SORBS2: variants seen among roughly 807,000 people sequenced by gnomAD.
SORBS2 encodes sorbin and SH3 domain-containing protein 2.
In SORBS2, 46 loss-of-function variants were observed where a neutral mutation model predicts 97.7. The ratio of observed to expected loss-of-function variants is 0.47; its 90% CI spans 0.37 to 0.60. The LOEUF (loss-of-function observed/expected upper bound fraction) is 0.60. Ranked by LOEUF, SORBS2 falls within the 20% of genes least tolerant of loss-of-function variation. The pLI, the probability that SORBS2 is intolerant of heterozygous loss-of-function variation, is 0.00. For missense variants in SORBS2, 1,316 were observed against 1,282.3 expected, an observed-to-expected ratio of 1.03 and a Z score of -0.40; for synonymous variants, 476 against 473.4, an observed-to-expected ratio of 1.01 and a Z score of -0.07.
chr4:185,872,363 C>T (rs930670675), intron 1 of SORBS2, among the ~76,000 whole-genome samples: 3 of 152,190 alleles, frequency 2.0e-5, no homozygotes, highest in Non-Finnish European at 2.9e-5. Flanking sequence ...GCAAACCACA[C>T]GCATAGCCTT....
chr4:185,722,462 G>A (rs1364139001), intron 2 of SORBS2, among the ~76,000 whole-genome samples: 4 of 152,162 alleles, frequency 2.6e-5, no homozygotes, highest in East Asian at 3.8e-4. Flanking sequence ...AGTTTAACAC[G>A]AAGCAGCTAC....
At chr4:185,903,381 A>T (rs2099248793) in intron 1 of SORBS2, among the ~76,000 whole-genome samples, 1 of 152,164 alleles carries the variant, frequency 6.6e-6, no homozygotes. Flanking sequence ...TACCAATATC[A>T]TCATGATTCA....
intron 1 of SORBS2, among the ~76,000 whole-genome samples, chr4:185,821,447 G>A (rs1160417804): frequency 6.6e-6 from 1 of 152,080 alleles, no homozygotes; most frequent in Admixed American, 6.5e-5. Context: ...TTTTTGAGAT[G>A]GAGTCTCGCT....
chr4:185,930,948 T>C (rs1002953648), intron 1 of SORBS2, among the ~76,000 whole-genome samples: 2 of 152,164 alleles, frequency 1.3e-5, no homozygotes, highest in African/African-American at 2.4e-5. Context: ...ACTCAATGCA[T>C]TGATATACCT....
At chr4:185,680,279 G>A (rs1462057880) in intron 2 of SORBS2, among the ~76,000 whole-genome samples, 1 of 152,196 alleles carries the variant, frequency 6.6e-6, no homozygotes, top group East Asian at 1.9e-4. Flanking sequence ...GGTTAGCTGG[G>A]ACTACAGGTA....
At chr4:185,950,053 A>C (rs1349102604) in intron 1 of SORBS2, among the ~76,000 whole-genome samples, 3 of 152,162 alleles carry the variant, frequency 2.0e-5, no homozygotes, top group Admixed American at 6.5e-5. Flanking sequence ...GGAGTTCGAA[A>C]CCAGCCTGGC....
intron 1 of SORBS2, among the ~76,000 whole-genome samples, chr4:185,889,900 T>A (rs758041852): frequency 6.6e-6 from 1 of 152,314 alleles, no homozygotes; most frequent in Non-Finnish European, 1.5e-5. Context: ...TTCTTTTTTT[T>A]CTTTGAGACA....
intron 2 of SORBS2, among the ~76,000 whole-genome samples, chr4:185,766,452 T>C (rs2098934522): frequency 6.6e-6 from 1 of 152,216 alleles, no homozygotes; most frequent in African/African-American, 2.4e-5. Flanking sequence ...AAATGTGAAA[T>C]AGAAAATACT....
At chr4:185,851,740 A>C (rs1365491100) in intron 1 of SORBS2, among the ~76,000 whole-genome samples, 2 of 152,050 alleles carry the variant, frequency 1.3e-5, no homozygotes, top group Non-Finnish European at 2.9e-5. Flanking sequence ...GGAATGTGAA[A>C]AGACTAGACT....
chr4:185,649,057 T>A (rs2097264802), intron 3 of SORBS2, among the ~76,000 whole-genome samples: 1 of 152,248 alleles, frequency 6.6e-6, no homozygotes, highest in Non-Finnish European at 1.5e-5. Flanking sequence ...TATTAACTAA[T>A]GCCTCATTAT....
rs571789722 is a variant in SORBS2, at chr4:185,674,850, C to T, written c.-46+3573G>A. On this transcript the variant is annotated intron_variant, in intron 4 of 20. Transcript: ENST00000284776. ...GTGAGGTCTATTGATATTGAGTTAC[C>T]ATACTTGACATGATATCTGGTCTCC... 3.3e-5 allele frequency among the ~76,000 whole-genome samples: 5 copies of T among 152,252 alleles called. No individual in the cohort carries two copies. The South Asian group carries it at 8.3e-4, about 25-fold the overall frequency.
At chr4:185,758,246 A>G (rs978353411) in intron 2 of SORBS2, among the ~76,000 whole-genome samples, 4 of 152,242 alleles carry the variant, frequency 2.6e-5, no homozygotes, top group African/African-American at 9.6e-5. Context: ...ACAGCATTCC[A>G]CCAAATTGCT....
chr4:185,784,768 T>G (rs1006562769), intron 1 of SORBS2, among the ~76,000 whole-genome samples: 10 of 152,226 alleles, frequency 6.6e-5, no homozygotes, highest in Non-Finnish European at 1.5e-4. Flanking sequence ...CCAGAAGTTT[T>G]GAAAGAACTT....
chr4:185,843,317 C>A (rs951368819), intron 1 of SORBS2, among the ~76,000 whole-genome samples: 7 of 152,134 alleles, frequency 4.6e-5, no homozygotes, highest in African/African-American at 1.7e-4. Flanking sequence ...CCACTTTCAC[C>A]ATTCCTATTC....
intron 4 of SORBS2, among the ~76,000 whole-genome samples, chr4:185,672,209 C>A (rs2097723378): frequency 6.6e-6 from 1 of 152,212 alleles, no homozygotes; most frequent in Non-Finnish European, 1.5e-5. Context: ...CATACTGATC[C>A]CATGGAGCAA....
At chr4:185,922,102 A>C (rs956498320) in intron 1 of SORBS2, among the ~76,000 whole-genome samples, 1 of 152,232 alleles carries the variant, frequency 6.6e-6, no homozygotes, top group South Asian at 2.1e-4. Context: ...CACAGCTCTA[A>C]TCAGGCACAT....
intron 1 of SORBS2, among the ~76,000 whole-genome samples, chr4:185,898,080 G>T (rs962531585): frequency 6.6e-6 from 1 of 152,102 alleles, no homozygotes; most frequent in Non-Finnish European, 1.5e-5. Context: ...CCACAGCAGG[G>T]GCTAACATTC....
chr4:185,631,510 C>T (rs898735704), intron 4 of SORBS2, among the ~76,000 whole-genome samples: 5 of 152,194 alleles, frequency 3.3e-5, no homozygotes, highest in Non-Finnish European at 7.3e-5. Flanking sequence ...TGCCTGTAAT[C>T]CCAGCACTTT....
At chr4:185,827,788 GTCACCATCATCGTCATCA>G (rs1304962634) in intron 1 of SORBS2, among the ~76,000 whole-genome samples, 4 of 3,826 alleles carry the variant, frequency 1.0e-3, no homozygotes, top group African/African-American at 4.0e-3. Context: ...CATCATCATC[GTCACCATCATCGTCATCA>G]TCACCATCAT....
Sources: gnomAD v4.1 joint callset for allele counts (sites outside exome capture counted in the v4.1 genomes callset) on GRCh38, gnomAD v4.1.1 for gene constraint, MANE v1.5 for transcripts, NCBI Gene and HGNC (gene_info 2026-07-23, HGNC 2026-07-21) for gene names.